The following HPSE2 variants were observed in gnomAD, a reference collection of about 807,000 sequenced individuals.
The protein encoded by HPSE2 is inactive heparanase-2.
A neutral mutation model predicts 60.5 loss-of-function variants in HPSE2; 38 were observed. The ratio of observed to expected loss-of-function variants is 0.63; its 90% CI spans 0.48 to 0.82. The LOEUF (loss-of-function observed/expected upper bound fraction) is 0.82, where lower values mean the gene tolerates loss of function less well. HPSE2 is among the 40% of genes least tolerant of loss of function. The pLI is 0.00. For missense variants in HPSE2, 713 were observed against 740.4 expected (o/e 0.96, Z 0.43); for synonymous variants, 295 against 293.2 (o/e 1.01, Z -0.06).
At chr10:98,581,633 T>G (rs1296695291) in intron 9 of HPSE2, among the ~76,000 whole-genome samples, 1 of 152,192 alleles carries the variant, frequency 6.6e-6, no homozygotes, top group African/African-American at 2.4e-5. Context: ...TGTAGGGTAG[T>G]GGGAATAGTC....
chr10:99,217,208 G>C (rs1428248382), intron 2 of HPSE2, among the ~76,000 whole-genome samples: 1 of 149,666 alleles, frequency 6.7e-6, no homozygotes, highest in African/African-American at 2.4e-5. Context: ...CTAGTAGCAA[G>C]CTTTGCTGTT....
intron 3 of HPSE2, among the ~76,000 whole-genome samples, chr10:98,988,014 A>T (rs540719641): frequency 6.6e-6 from 1 of 152,354 alleles, no homozygotes; most frequent in South Asian, 2.1e-4. Context: ...CAAATGGAAG[A>T]ACATTCCATG....
chr10:98,928,057 C>G (rs28890288), intron 3 of HPSE2, among the ~76,000 whole-genome samples: 1 of 145,018 alleles, frequency 6.9e-6, no homozygotes, highest in African/African-American at 2.6e-5. Flanking sequence ...AGGCAACCTA[C>G]AAAATGGGAG....
At chr10:99,164,000 T>C (rs1389280615) in intron 2 of HPSE2, among the ~76,000 whole-genome samples, 3 of 151,872 alleles carry the variant, frequency 2.0e-5, no homozygotes, top group Admixed American at 6.6e-5. Flanking sequence ...TATTTTGCCT[T>C]TGTAATTAAT....
Position 99,235,851 on chromosome 10 carries a change from C to CTAAT in HPSE2, c.-50_-49insATTA. On this transcript the variant is annotated 5_prime_UTR_variant, in exon 1 of 12. Transcript: ENST00000370552. ...TCTTCCTACTGGGTCTCGCTAGTGA[C>CTAAT]TAATTGTCCTTATCTAAAGTGTGTG... The CTAAT allele has an allele frequency of 6.6e-7, 1 of 1,520,540 alleles. No individual in the cohort carries two copies. The allele number at this position is 1,520,540 out of a possible 1,614,324, so 94.2% of individuals were successfully genotyped here. A position where few individuals can be genotyped will look rare whatever the true frequency, so the allele number is the denominator to read the frequency against.
At chr10:98,557,495 A>G (rs1944044766) in intron 9 of HPSE2, among the ~76,000 whole-genome samples, 1 of 152,232 alleles carries the variant, frequency 6.6e-6, no homozygotes, top group African/African-American at 2.4e-5. Flanking sequence ...ACAGATCTAA[A>G]TATGAAAGGT....
At chr10:98,920,733 C>T (rs190958419) in intron 3 of HPSE2, among the ~76,000 whole-genome samples, 1 of 152,246 alleles carries the variant, frequency 6.6e-6, no homozygotes, top group Non-Finnish European at 1.5e-5. Flanking sequence ...CTGGATTGAA[C>T]TAAAAAGAGT....
At chr10:99,102,393 A>G (rs899987750) in intron 3 of HPSE2, among the ~76,000 whole-genome samples, 3 of 152,218 alleles carry the variant, frequency 2.0e-5, no homozygotes, top group African/African-American at 7.2e-5. Flanking sequence ...AGAAATGGAT[A>G]AATTCCTGGA....
chr10:98,597,020 T>A (rs113851727), intron 9 of HPSE2, among the ~76,000 whole-genome samples: 5,821 of 152,154 alleles, frequency 0.038, 174 homozygotes, highest in Non-Finnish European at 0.054. Context: ...CTTCTTTACA[T>A]GGTGGCAGCA....
chr10:98,851,420 G>A (rs1952171552), intron 3 of HPSE2, among the ~76,000 whole-genome samples: 1 of 152,104 alleles, frequency 6.6e-6, no homozygotes, highest in Non-Finnish European at 1.5e-5. Context: ...TTTTTGTTCA[G>A]CACAAACCAG....
chr10:99,232,213 A>C, intron 2 of HPSE2, 135 bp downstream of exon 2: 1 of 624,784 alleles, frequency 1.6e-6, no homozygotes, highest in Non-Finnish European at 2.5e-6. Flanking sequence ...GCGCGCGCGC[A>C]TACACACACA....
chr10:99,124,002 C>T (rs1022754610), intron 3 of HPSE2, among the ~76,000 whole-genome samples: 5 of 151,946 alleles, frequency 3.3e-5, no homozygotes, highest in Admixed American at 6.6e-5. Context: ...AGCTCCTATC[C>T]GTAGGCAGGT....
At chr10:98,667,895 T>C (rs1409811465) in intron 6 of HPSE2, among the ~76,000 whole-genome samples, 2 of 152,168 alleles carry the variant, frequency 1.3e-5, no homozygotes, top group Non-Finnish European at 2.9e-5. Flanking sequence ...ACTCTTAGCA[T>C]TTCTATTCAA....
At chr10:99,238,399 CCTAA>C (rs781318841), upstream of HPSE2, among the ~76,000 whole-genome samples, 63 of 152,216 alleles carry the variant, frequency 4.1e-4, no homozygotes, top group African/African-American at 1.0e-3. Context: ...GGTTTATTGG[CCTAA>C]CTAAGTAGTA....
chr10:99,155,897 A>G (rs1342029947), intron 2 of HPSE2, among the ~76,000 whole-genome samples: 1 of 151,906 alleles, frequency 6.6e-6, no homozygotes, highest in Non-Finnish European at 1.5e-5. Flanking sequence ...AATAGACACA[A>G]TAAAAAATGA....
At chr10:98,778,082 G>A (rs748765917) in intron 3 of HPSE2, among the ~76,000 whole-genome samples, 3 of 152,090 alleles carry the variant, frequency 2.0e-5, no homozygotes, top group Non-Finnish European at 4.4e-5. Context: ...CACTTTCAGG[G>A]AGAGCCCCAA....
intron 3 of HPSE2, among the ~76,000 whole-genome samples, chr10:98,919,667 G>A (rs567261571): frequency 9.2e-5 from 14 of 152,262 alleles, no homozygotes; most frequent in African/African-American, 2.2e-4. Context: ...ATGTACAAGT[G>A]TGTTCTTTCT....
chr10:98,804,637 C>G (rs1950999002), intron 3 of HPSE2, among the ~76,000 whole-genome samples: 4 of 152,004 alleles, frequency 2.6e-5, no homozygotes, highest in Admixed American at 2.6e-4. Context: ...ATAACAAATG[C>G]TGGAGAGGAT....
intron 9 of HPSE2, among the ~76,000 whole-genome samples, chr10:98,496,251 GAAAGGAAAA>G (rs924690080): frequency 1.3e-5 from 2 of 151,934 alleles, no homozygotes; most frequent in African/African-American, 4.8e-5. Context: ...TTTAATGTGT[GAAAGGAAAA>G]AGAGGAAAAA....
Sources: allele counts gnomAD v4.1 joint callset (sites outside exome capture counted in the v4.1 genomes callset), GRCh38; gene constraint gnomAD v4.1.1; transcripts MANE v1.5; gene names NCBI Gene and HGNC (gene_info 2026-07-23, HGNC 2026-07-21).